ALPK1: variants seen among roughly 807,000 people sequenced by gnomAD.
The protein encoded by ALPK1 is alpha-protein kinase 1.
A neutral mutation model predicts 120.6 loss-of-function variants in ALPK1; 110 were observed. That is an observed-to-expected ratio of 0.91 (90% CI 0.78 to 1.07). The LOEUF (loss-of-function observed/expected upper bound fraction) is 1.07, where lower values mean the gene tolerates loss of function less well. Among genes scored for constraint, ALPK1 ranks in the 50% least tolerant of loss-of-function variants. The pLI is 0.00. For missense variants in ALPK1, 1,498 were observed against 1,483.9 expected, an observed-to-expected ratio of 1.01 and a Z score of -0.16; for synonymous variants, 582 against 560.3, an observed-to-expected ratio of 1.04 and a Z score of -0.55.
intron 2 of ALPK1, among the ~76,000 whole-genome samples, chr4:112,320,770 GTT>G (rs948924856): frequency 1.3e-5 from 2 of 151,888 alleles, no homozygotes; most frequent in African/African-American, 4.8e-5. Flanking sequence ...ATCTAGGAGG[GTT>G]GCATACTTCC....
intron 1 of ALPK1, among the ~76,000 whole-genome samples, chr4:112,313,442 G>A (rs765868649): frequency 6.6e-6 from 1 of 152,226 alleles, no homozygotes; most frequent in Non-Finnish European, 1.5e-5. Context: ...ACTGCTGGAG[G>A]CCGGGCATGG....
At chr4:112,403,139 A>T (rs929308319) in intron 4 of ALPK1, among the ~76,000 whole-genome samples, 1 of 152,008 alleles carries the variant, frequency 6.6e-6, no homozygotes, top group Non-Finnish European at 1.5e-5. Context: ...ACTCTTTAGC[A>T]TCCCTTCCCT....
At position 112,440,818 on chromosome 4, in the gene ALPK1, T is replaced by C. The variant is rs796841032; in HGVS notation, c.3539-99T>C. The C allele has an allele frequency of 1.5e-4, 216 of 1,468,910 alleles. No individual in the cohort carries two copies. In the East Asian group the frequency reaches 3.5e-3, roughly 24 times the overall value. The allele number at this position is 1,468,910 out of a possible 1,614,324, so 91.0% of individuals were successfully genotyped here. On this transcript the variant is annotated intron_variant, in intron 14 of 15. Coordinates refer to ENST00000650871, the MANE Select transcript of ALPK1 (RefSeq NM_025144.4). Reference sequence around the variant, plus strand: ...TTTTTGAATTATCTCTTTAAGTGTGTGTGTGTGTGTGTGTGTGTGTGTGTG... The same window carrying C: ...TTTTTGAATTATCTCTTTAAGTGTGCGTGTGTGTGTGTGTGTGTGTGTGTG...
intron 4 of ALPK1, among the ~76,000 whole-genome samples, chr4:112,390,417 G>A (rs1400392759): frequency 1.3e-5 from 2 of 152,126 alleles, no homozygotes; most frequent in East Asian, 3.9e-4. Context: ...CCTTTTCAAA[G>A]TTGCAGTTTA....
At chr4:112,303,676 C>A (rs1226848753) in intron 1 of ALPK1, among the ~76,000 whole-genome samples, 4 of 151,822 alleles carry the variant, frequency 2.6e-5, no homozygotes, top group African/African-American at 4.8e-5. Flanking sequence ...ATCTTTATAG[C>A]CTTCTTGATC....
chr4:112,324,622 A>G (rs568573735), intron 2 of ALPK1, among the ~76,000 whole-genome samples: 5 of 152,254 alleles, frequency 3.3e-5, no homozygotes, highest in South Asian at 2.1e-4. Context: ...GACTATAGGT[A>G]TGTGCCACCA....
Position 112,349,551 on chromosome 4 carries a change from G to GCCCCCCCCCCC in ALPK1, c.-100-28118_-100-28117insCCCCCCCCCCC, listed in dbSNP as rs10625139. On this transcript the variant is annotated intron_variant, in intron 2 of 15. Transcript: ENST00000650871. ...TCCTATTATTACCGCCCCAACCCCTGCCCCCCCCCGCTTTATTTTTGAGAC... is the reference window on the plus strand; with the variant it reads ...TCCTATTATTACCGCCCCAACCCCTGCCCCCCCCCCCCCCCCCCCCGCTTTATTTTTGAGAC... Among the ~76,000 whole-genome samples the GCCCCCCCCCCC allele has an allele frequency of 4.7e-4, 49 of 103,740 alleles. 1 individual carries two copies. The highest frequency in any genetic ancestry group is 6.1e-4 in the African/African-American group (15 of 24,598). The allele number at this position is 103,740 out of a possible 152,430, so 68.1% of individuals were successfully genotyped here.
chr4:112,333,041 A>G (rs1729454346), intron 2 of ALPK1, among the ~76,000 whole-genome samples: 1 of 152,292 alleles, frequency 6.6e-6, no homozygotes, highest in South Asian at 2.1e-4. Context: ...GAAGTAAGAG[A>G]CTATGAGACT....
At chr4:112,405,441 A>G (rs1399507059) in intron 4 of ALPK1, among the ~76,000 whole-genome samples, 1 of 152,010 alleles carries the variant, frequency 6.6e-6, no homozygotes, top group Admixed American at 6.6e-5. Context: ...CACTCTTTTT[A>G]TTTGGAATTT....
intron 1 of ALPK1, among the ~76,000 whole-genome samples, chr4:112,308,349 A>G (rs895098360): frequency 1.3e-5 from 2 of 152,068 alleles, no homozygotes; most frequent in East Asian, 1.9e-4. Context: ...GTGTTTTCCA[A>G]CTTGGTTCCA....
chr4:112,411,339 C>T (rs1733447542), intron 4 of ALPK1, among the ~76,000 whole-genome samples: 1 of 152,212 alleles, frequency 6.6e-6, no homozygotes, highest in South Asian at 2.1e-4. Context: ...ATTCTCCCGC[C>T]TCAGCCTCCC....
chr4:112,304,281 G>A (rs890240002), intron 1 of ALPK1, among the ~76,000 whole-genome samples: 27 of 152,002 alleles, frequency 1.8e-4, no homozygotes, highest in Non-Finnish European at 3.4e-4. Flanking sequence ...GGGATGGCGG[G>A]GTCAAATGGC....
rs1734120815 is a variant in ALPK1, at chr4:112,424,014, T to C, written c.535+11T>C. 3 of 1,612,610 alleles carry C rather than the reference T, an allele frequency of 1.9e-6. No individual in the cohort carries two copies. The South Asian group carries it at 3.3e-5, about 18-fold the overall frequency. On this transcript the variant is annotated intron_variant, in intron 6 of 15. Transcript: ENST00000650871. Reference sequence around the variant, plus strand: ...ACAATGGAGCAACGGGTGAGTACTTTCATATCTTCACAATGACTTTTACCT... The same window carrying C: ...ACAATGGAGCAACGGGTGAGTACTTCCATATCTTCACAATGACTTTTACCT...
At chr4:112,427,537 C>T in intron 8 of ALPK1, 33 bp from the exon 9 acceptor site, 1 of 1,529,084 alleles carries the variant, frequency 6.5e-7, no homozygotes, top group Non-Finnish European at 9.1e-7. Flanking sequence ...CTGTGAATTC[C>T]CGATCTGTGA....
Position 112,334,171 on chromosome 4 carries a change from G to A in ALPK1, c.-101+18319G>A, listed in dbSNP as rs145767613. Among the ~76,000 whole-genome samples, 335 of 152,128 alleles carry A rather than the reference G, an allele frequency of 2.2e-3. 3 individuals are homozygous for A. The highest frequency in any genetic ancestry group is 0.019 in the South Asian group (92 of 4,824). ...TTCCAGGCCAGGCTCAGTGGCTCAC[G>A]CCTGTAATCCCAGCACTTTGGGAAG... is the stretch of plus-strand genomic sequence containing the variant. On this transcript the variant is annotated intron_variant, in intron 2 of 15. Transcript: ENST00000650871.
chr4:112,410,433 G>A (rs1052812437), intron 4 of ALPK1, among the ~76,000 whole-genome samples: 3 of 147,406 alleles, frequency 2.0e-5, no homozygotes, highest in African/African-American at 7.3e-5. Context: ...TATTGAATTA[G>A]TGCATATAAA....
At chr4:112,359,192 C>G (rs939366235) in intron 2 of ALPK1, 5 of 609,702 alleles carry the variant, frequency 8.2e-6, no homozygotes, top group African/African-American at 7.4e-5. Context: ...GGCCACCCCC[C>G]ACAGGAGACC....
chr4:112,441,292 C>T lies in ALPK1; in HGVS notation c.*82C>T. 1 of 946,400 alleles carries T rather than the reference C, an allele frequency of 1.1e-6. No homozygotes were observed. The highest frequency in any genetic ancestry group is 1.8e-6 in the Non-Finnish European group (1 of 570,188). 58.6% of individuals were successfully genotyped at this position (946,400 alleles called of 1,614,324 possible). On this transcript the variant is annotated 3_prime_UTR_variant, in exon 16 of 16. Coordinates refer to ENST00000650871, the MANE Select transcript of ALPK1 (RefSeq NM_025144.4). ...CCAATGATTTGCAAGAGGAATTGAT[C>T]AGTATCACTTTAAGTCCTGCATTTA...
intron 2 of ALPK1, chr4:112,357,073 T>C (rs1730663822): frequency 2.0e-6 from 2 of 982,472 alleles, no homozygotes; most frequent in Non-Finnish European, 3.2e-6. Flanking sequence ...TGGAAGACAT[T>C]GCAAAGCTGA....
Sources: gnomAD v4.1 joint callset for allele counts (sites outside exome capture counted in the v4.1 genomes callset) on GRCh38, gnomAD v4.1.1 for gene constraint, MANE v1.5 for transcripts, NCBI Gene and HGNC (gene_info 2026-07-23, HGNC 2026-07-21) for gene names.